The following KCNAB1 variants were observed in gnomAD, a reference collection of about 807,000 sequenced individuals.
KCNAB1 encodes potassium voltage-gated channel subfamily A regulatory beta subunit 1, also known as voltage-gated potassium channel subunit beta-1.
KCNAB1 carries 35 observed loss-of-function variants against 64.6 expected under a neutral mutation model. The ratio of observed to expected loss-of-function variants is 0.54; its 90% confidence interval spans 0.41 to 0.72. KCNAB1 has a LOEUF of 0.72. KCNAB1 is among the 30% of genes least tolerant of loss of function. The pLI is 0.00. For synonymous variants in KCNAB1, 177 were observed against 183.8 expected (o/e 0.96, Z 0.30); for missense variants, 401 against 512.9 (o/e 0.78, Z 2.11).
At chr3:156,136,987 A>C (rs1426072674) in intron 1 of KCNAB1, among the ~76,000 whole-genome samples, 4 of 152,174 alleles carry the variant, frequency 2.6e-5, no homozygotes, top group Non-Finnish European at 5.9e-5. Context: ...AGAGATCTAT[A>C]GATGTAGTCA....
Position 156,120,665 on chromosome 3 carries a change from C to G in KCNAB1, c.54C>G (p.Thr18=). The G allele has an allele frequency of 6.2e-7, 1 of 1,614,200 alleles. No individual in the cohort carries two copies. The change falls in exon 1 of 14, where the codon ACC becomes ACG. Residue 18 remains threonine (T), a synonymous_variant. Transcript: ENST00000490337. ...GGAGTCAGATCTCAGAGGAGAACAC[C>G]AAGTTAAGGAGACAGTCTGGGTTTT... The part of the protein sequence containing the change: ...AAGSQISEEN[T]KLRRQSGFSV...
intron 1 of KCNAB1, among the ~76,000 whole-genome samples, chr3:156,419,839 T>G (rs963635482): frequency 6.6e-6 from 1 of 152,236 alleles, no homozygotes; most frequent in Non-Finnish European, 1.5e-5. Context: ...TGTATCTCCA[T>G]GACTTTTTAA....
At chr3:156,232,889 A>G (rs1056067858) in intron 1 of KCNAB1, among the ~76,000 whole-genome samples, 9 of 152,178 alleles carry the variant, frequency 5.9e-5, no homozygotes, top group African/African-American at 1.9e-4. Flanking sequence ...TAGTAGAGAA[A>G]GTTTTCTTTC....
intron 1 of KCNAB1, among the ~76,000 whole-genome samples, chr3:156,172,113 A>C (rs1315717409): frequency 6.6e-6 from 1 of 152,158 alleles, no homozygotes; most frequent in Non-Finnish European, 1.5e-5. Flanking sequence ...TTCACACATA[A>C]ACTTGTCAAT....
At chr3:156,521,948 T>G (rs569385246) in intron 11 of KCNAB1, among the ~76,000 whole-genome samples, 18 of 108,156 alleles carry the variant, frequency 1.7e-4, no homozygotes, top group African/African-American at 4.6e-4. Flanking sequence ...AATTGCTTTT[T>G]TCTTTTTAAT....
chr3:156,487,741 A>G (rs1559911305), intron 8 of KCNAB1, among the ~76,000 whole-genome samples: 1 of 152,154 alleles, frequency 6.6e-6, no homozygotes, highest in African/African-American at 2.4e-5. Flanking sequence ...AAAGGAAAGC[A>G]TTGTATCATC....
chr3:156,270,860 G>A (rs11520515), intron 1 of KCNAB1, among the ~76,000 whole-genome samples: 5,255 of 152,016 alleles, frequency 0.035, 100 homozygotes, highest in Non-Finnish European at 0.046. Context: ...AGCATTTCTC[G>A]TGGGACAGGA....
chr3:156,233,847 C>A (rs1050192681), intron 1 of KCNAB1, among the ~76,000 whole-genome samples: 1 of 151,896 alleles, frequency 6.6e-6, no homozygotes, highest in Admixed American at 6.6e-5. Context: ...ACCTAACATG[C>A]TGGAAGAGTG....
chr3:156,195,326 G>A (rs895784095), intron 1 of KCNAB1, among the ~76,000 whole-genome samples: 13 of 152,166 alleles, frequency 8.5e-5, no homozygotes, highest in African/African-American at 2.9e-4. Flanking sequence ...GGATCAAATG[G>A]TATTTCTGGT....
At position 156,536,638 on chromosome 3, in the gene KCNAB1, A is replaced by T. The variant is rs1719074589; in HGVS notation, c.1171-20A>T. ...CAACACTGCTAACAATATCCTTTGT[A>T]CTTCTCCTCCTGCTCTCAGGTTCTC... On this transcript the variant is annotated intron_variant, in intron 13 of 13. Coordinates refer to ENST00000490337, the MANE Select transcript of KCNAB1 (RefSeq NM_172160.3). The T allele has an allele frequency of 1.3e-6, 2 of 1,525,686 alleles. No individual in the cohort carries two copies. The highest frequency in any genetic ancestry group is 1.8e-6 in the Non-Finnish European group (2 of 1,099,354). 94.5% of individuals were successfully genotyped at this position (1,525,686 alleles called of 1,614,324 possible).
At chr3:156,395,286 C>G (rs191061204) in intron 1 of KCNAB1, among the ~76,000 whole-genome samples, 3 of 151,930 alleles carry the variant, frequency 2.0e-5, no homozygotes, top group Non-Finnish European at 4.4e-5. Context: ...TGGCTCACGC[C>G]TGTAATCCCA....
At chr3:156,380,488 C>A (rs1429028756) in intron 1 of KCNAB1, among the ~76,000 whole-genome samples, 3 of 152,164 alleles carry the variant, frequency 2.0e-5, no homozygotes, top group Non-Finnish European at 2.9e-5. Context: ...ACAACTATTT[C>A]ACAAAAAACT....
At chr3:156,236,044 A>G (rs1716828932) in intron 1 of KCNAB1, among the ~76,000 whole-genome samples, 2 of 152,210 alleles carry the variant, frequency 1.3e-5, no homozygotes, top group Non-Finnish European at 2.9e-5. Flanking sequence ...AGATATATTA[A>G]ATCAGACTCT....
chr3:156,275,087 G>A (rs1719260920), intron 1 of KCNAB1, among the ~76,000 whole-genome samples: 1 of 152,112 alleles, frequency 6.6e-6, no homozygotes, highest in Non-Finnish European at 1.5e-5. Flanking sequence ...TACTATTTCA[G>A]ATTTCATGTA....
intron 1 of KCNAB1, among the ~76,000 whole-genome samples, chr3:156,306,706 G>GT: frequency 6.6e-6 from 1 of 152,310 alleles, no homozygotes; most frequent in South Asian, 2.1e-4. Context: ...TCCAAGGCAC[G>GT]TGATGGCCCT....
chr3:156,327,886 T>G (rs1723077746), intron 1 of KCNAB1, among the ~76,000 whole-genome samples: 1 of 152,166 alleles, frequency 6.6e-6, no homozygotes, highest in Non-Finnish European at 1.5e-5. Flanking sequence ...ACCATAGCTT[T>G]CGTGTCTCCC....
intron 1 of KCNAB1, among the ~76,000 whole-genome samples, chr3:156,265,536 G>T (rs1718650066): frequency 6.6e-6 from 1 of 152,204 alleles, no homozygotes; most frequent in African/African-American, 2.4e-5. Flanking sequence ...CCATACCTGA[G>T]CCAACACTGC....
At chr3:156,495,979 T>C (rs1715982401) in intron 8 of KCNAB1, among the ~76,000 whole-genome samples, 4 of 152,090 alleles carry the variant, frequency 2.6e-5, no homozygotes, top group African/African-American at 9.7e-5. Context: ...AGAAGGACAA[T>C]ACATTACACA....
intron 8 of KCNAB1, among the ~76,000 whole-genome samples, chr3:156,494,357 C>A (rs1295992212): frequency 6.6e-6 from 1 of 152,088 alleles, no homozygotes; most frequent in African/African-American, 2.4e-5. Flanking sequence ...AAGAGCATGG[C>A]TCTTAGGGCT....
Sources: allele counts gnomAD v4.1 joint callset (sites outside exome capture counted in the v4.1 genomes callset), GRCh38; gene constraint gnomAD v4.1.1; transcripts MANE v1.5; gene names NCBI Gene and HGNC (gene_info 2026-07-23, HGNC 2026-07-21).